SORCS2: variants seen among roughly 807,000 people sequenced by gnomAD.
SORCS2 encodes sortilin related VPS10 domain containing receptor 2, also known as VPS10 domain-containing receptor SorCS2.
In SORCS2, 100 loss-of-function variants were observed where a neutral mutation model predicts 141.6. The ratio of observed to expected loss-of-function variants is 0.71; its 90% CI spans 0.60 to 0.83. SORCS2 has a LOEUF of 0.83. Among genes scored for constraint, SORCS2 ranks in the 40% least tolerant of loss-of-function variants. The pLI is 0.00. For missense variants in SORCS2, 1,646 were observed against 1,560.2 expected (o/e 1.05, Z -0.93); for synonymous variants, 789 against 676.9 (o/e 1.17, Z -2.57).
intron 4 of SORCS2, among the ~76,000 whole-genome samples, chr4:7,647,448 C>T (rs142047347): frequency 5.3e-5 from 8 of 152,280 alleles, no homozygotes; most frequent in African/African-American, 9.6e-5. Flanking sequence ...GTCAGCGTCA[C>T]GGGTGGAGCC....
rs528947569 is a variant in SORCS2, at chr4:7,493,391, G to A, written c.549-38139G>A. Among the ~76,000 whole-genome samples, 8 of 152,326 alleles carry A rather than the reference G, an allele frequency of 5.3e-5. No individual in the cohort carries two copies. In the South Asian group the frequency reaches 1.5e-3, roughly 28 times the overall value. Reference sequence around the variant, plus strand: ...ATTCTTCAGAAAAGGAAAGAGGTTCGTGGAGGGGCACAGCAGCTTCCCGAG... The same window carrying A: ...ATTCTTCAGAAAAGGAAAGAGGTTCATGGAGGGGCACAGCAGCTTCCCGAG... On this transcript the variant is annotated intron_variant, in intron 2 of 26. Transcript: ENST00000507866.
At chr4:7,476,114 T>C (rs944463838) in intron 2 of SORCS2, among the ~76,000 whole-genome samples, 2 of 152,304 alleles carry the variant, frequency 1.3e-5, no homozygotes, top group Middle Eastern at 3.4e-3. Context: ...GGCTCAGCCA[T>C]GTGCCAGCCC....
intron 4 of SORCS2, 102 bp downstream of exon 4, chr4:7,638,594 T>C: frequency 1.6e-6 from 2 of 1,284,542 alleles, no homozygotes; most frequent in Admixed American, 2.8e-5. Context: ...CCGGAACCCC[T>C]GGGCTGGCTG....
At chr4:7,654,086 A>T (rs1398987130) in intron 4 of SORCS2, 48 bp from the exon 5 acceptor site, 2 of 1,503,298 alleles carry the variant, frequency 1.3e-6, no homozygotes, top group Non-Finnish European at 1.8e-6. Flanking sequence ...GAAGCAGCTT[A>T]TTCCTGACGT....
At chr4:7,206,220 C>G (rs4563495) in intron 1 of SORCS2, among the ~76,000 whole-genome samples, 2 of 152,126 alleles carry the variant, frequency 1.3e-5, no homozygotes, top group African/African-American at 2.4e-5. Flanking sequence ...GGCCTCCTCT[C>G]TGGTCTCCTC....
At chr4:7,348,400 T>C (rs753438261) in intron 1 of SORCS2, among the ~76,000 whole-genome samples, 2 of 152,238 alleles carry the variant, frequency 1.3e-5, no homozygotes, top group African/African-American at 4.8e-5. Flanking sequence ...AGGCTCTTTC[T>C]TGTGGCATGC....
At position 7,310,713 on chromosome 4, in the gene SORCS2, G is replaced by A. The variant is rs951044934; in HGVS notation, c.481-85575G>A. 7.2e-5 allele frequency among the ~76,000 whole-genome samples: 11 copies of A among 152,220 alleles called. 1 individual carries two copies. The highest frequency in any genetic ancestry group is 2.4e-4 in the African/African-American group (10 of 41,446). ...GAGCTGAGTCTGCAGAGTCTTCCACGGTTCTGACCTTGGATTTGAGTTTGT... is the reference window on the plus strand; with the variant it reads ...GAGCTGAGTCTGCAGAGTCTTCCACAGTTCTGACCTTGGATTTGAGTTTGT... On this transcript the variant is annotated intron_variant, in intron 1 of 26. Coordinates refer to ENST00000507866, the MANE Select transcript of SORCS2 (RefSeq NM_020777.3).
chr4:7,295,433 C>T (rs765320657), intron 1 of SORCS2, among the ~76,000 whole-genome samples: 6 of 152,036 alleles, frequency 3.9e-5, no homozygotes, highest in Non-Finnish European at 8.8e-5. Flanking sequence ...TGAAGAGCCC[C>T]TGGCTTGGTG....
At chr4:7,616,665 G>GT (rs770382152) in intron 3 of SORCS2, among the ~76,000 whole-genome samples, 6 of 152,214 alleles carry the variant, frequency 3.9e-5, no homozygotes, top group Admixed American at 6.5e-5. Context: ...CTGAATGGAT[G>GT]TTTTTTCTGC....
At chr4:7,367,456 G>A (rs1404512924) in intron 1 of SORCS2, among the ~76,000 whole-genome samples, 4 of 152,244 alleles carry the variant, frequency 2.6e-5, no homozygotes, top group Non-Finnish European at 5.9e-5. Flanking sequence ...GTGGGAATGT[G>A]AGCCTGTCGG....
chr4:7,553,330 A>T (rs1713863848), intron 3 of SORCS2, among the ~76,000 whole-genome samples: 1 of 152,156 alleles, frequency 6.6e-6, no homozygotes, highest in South Asian at 2.1e-4. Context: ...AAACCATGTA[A>T]TTTTTCATCA....
Position 7,508,859 on chromosome 4 carries a change from A to G in SORCS2, c.549-22671A>G, listed in dbSNP as rs755493997. Among the ~76,000 whole-genome samples the G allele has an allele frequency of 6.0e-4, 92 of 152,208 alleles. 1 individual carries two copies. The highest frequency in any genetic ancestry group is 1.2e-3 in the Non-Finnish European group (85 of 68,038). The stretch of plus-strand genomic sequence containing the variant: ...GCAAAGAATACTGTGGAAAGAAAAT[A>G]AAATAGACCAAAAAAGGGAAGGCTA... On this transcript the variant is annotated intron_variant, in intron 2 of 26. Coordinates refer to ENST00000507866, the MANE Select transcript of SORCS2 (RefSeq NM_020777.3).
chr4:7,255,520 A>G lies in SORCS2; in HGVS notation c.480+62394A>G, dbSNP rs146220763. Among the ~76,000 whole-genome samples, 386 of 152,018 alleles carry G rather than the reference A, an allele frequency of 2.5e-3. 5 individuals are homozygous for G. The highest frequency in any genetic ancestry group is 8.7e-3 in the African/African-American group (359 of 41,464). On this transcript the variant is annotated intron_variant, in intron 1 of 26. Coordinates refer to ENST00000507866, the MANE Select transcript of SORCS2 (RefSeq NM_020777.3). ...CTGTGATGGGGGTCCAGCCCTTCTGAGTGGATGGATTGCTTGAGCCTGAAG... is the reference window on the plus strand; with the variant it reads ...CTGTGATGGGGGTCCAGCCCTTCTGGGTGGATGGATTGCTTGAGCCTGAAG...
intron 12 of SORCS2, among the ~76,000 whole-genome samples, chr4:7,701,228 GGA>G (rs1216203855): frequency 2.0e-5 from 3 of 151,384 alleles, no homozygotes; most frequent in South Asian, 2.1e-4. Context: ...GGGAAGGGAG[GGA>G]GAGAGAGAAA....
chr4:7,558,208 A>G (rs2109661276), intron 3 of SORCS2, among the ~76,000 whole-genome samples: 1 of 152,308 alleles, frequency 6.6e-6, no homozygotes, highest in Non-Finnish European at 1.5e-5. Flanking sequence ...ACTCCATTTG[A>G]GAAACAGATT....
At chr4:7,345,617 C>T (rs1450040511) in intron 1 of SORCS2, among the ~76,000 whole-genome samples, 2 of 152,184 alleles carry the variant, frequency 1.3e-5, no homozygotes, top group South Asian at 2.1e-4. Flanking sequence ...CTCTCCAAAC[C>T]TCCGTTTCCC....
intron 3 of SORCS2, among the ~76,000 whole-genome samples, chr4:7,624,933 G>A (rs80240100): frequency 2.0e-5 from 3 of 152,208 alleles, no homozygotes; most frequent in Admixed American, 6.5e-5. Flanking sequence ...GGGGGCTCTC[G>A]TCTCACAAAT....
At chr4:7,693,878 G>T (rs976963793) in intron 11 of SORCS2, among the ~76,000 whole-genome samples, 1 of 152,250 alleles carries the variant, frequency 6.6e-6, no homozygotes, top group Non-Finnish European at 1.5e-5. Context: ...GCCTGGCTGA[G>T]GGGCCTGGGT....
At chr4:7,711,990 A>G (rs1268232205) in intron 14 of SORCS2, among the ~76,000 whole-genome samples, 1 of 152,062 alleles carries the variant, frequency 6.6e-6, no homozygotes, top group Non-Finnish European at 1.5e-5. Flanking sequence ...GTGTGGGGCC[A>G]CAGGCTCTAC....
Sources: gnomAD v4.1 joint callset for allele counts (sites outside exome capture counted in the v4.1 genomes callset) on GRCh38, gnomAD v4.1.1 for gene constraint, MANE v1.5 for transcripts, NCBI Gene and HGNC (gene_info 2026-07-23, HGNC 2026-07-21) for gene names.